The following ZBTB7C variants were observed in gnomAD, a reference collection of about 807,000 sequenced individuals.
ZBTB7C encodes zinc finger and BTB domain-containing protein 7C.
In ZBTB7C, 8 loss-of-function variants were observed where a neutral mutation model predicts 25.7. The ratio of observed to expected loss-of-function variants is 0.31; its 90% CI spans 0.18 to 0.56. ZBTB7C has a LOEUF of 0.56. Among genes scored for constraint, ZBTB7C ranks in the 20% least tolerant of loss-of-function variants. The pLI, the probability that ZBTB7C is intolerant of heterozygous loss-of-function variation, is 0.91. For missense variants in ZBTB7C, 824 were observed against 855.2 expected (o/e 0.96, Z 0.46); for synonymous variants, 394 against 369.0 (o/e 1.07, Z -0.78).
chr18:48,295,985 T>C (rs1322708103), intron 2 of ZBTB7C, among the ~76,000 whole-genome samples: 1 of 152,194 alleles, frequency 6.6e-6, no homozygotes, highest in Non-Finnish European at 1.5e-5. Flanking sequence ...GGCTCGGTCA[T>C]CTCCATAGCA....
At chr18:48,077,487 A>T (rs976342687) in intron 3 of ZBTB7C, among the ~76,000 whole-genome samples, 1 of 152,222 alleles carries the variant, frequency 6.6e-6, no homozygotes, top group African/African-American at 2.4e-5. Context: ...CGTGTGGGGC[A>T]CACCCTATCC....
At chr18:48,034,182 C>CAATGGCCTGTGTGCTCACTT (rs2035873752) in intron 4 of ZBTB7C, among the ~76,000 whole-genome samples, 1 of 152,118 alleles carries the variant, frequency 6.6e-6, no homozygotes. Context: ...CCCCCTTGTC[C>CAATGGCCTGTGTGCTCACTT]AATGGCCTGT....
chr18:48,130,652 A>G (rs1390238599), intron 3 of ZBTB7C, among the ~76,000 whole-genome samples: 1 of 151,208 alleles, frequency 6.6e-6, no homozygotes, highest in African/African-American at 2.4e-5. Context: ...GCCCCCTTTT[A>G]TAAATAAAAT....
At chr18:48,187,925 G>A (rs913478231) in intron 2 of ZBTB7C, among the ~76,000 whole-genome samples, 4 of 151,896 alleles carry the variant, frequency 2.6e-5, no homozygotes, top group South Asian at 2.1e-4. Flanking sequence ...ACAGAGCTTC[G>A]TTTGAAAAGA....
At chr18:48,184,110 C>A (rs1000317777) in intron 3 of ZBTB7C, among the ~76,000 whole-genome samples, 1 of 152,144 alleles carries the variant, frequency 6.6e-6, no homozygotes, top group African/African-American at 2.4e-5. Flanking sequence ...CACACGTGAG[C>A]CTTCCTCCTT....
chr18:48,251,418 G>A (rs1417789694), intron 2 of ZBTB7C, among the ~76,000 whole-genome samples: 3 of 152,190 alleles, frequency 2.0e-5, no homozygotes, highest in Admixed American at 1.3e-4. Context: ...TAGGCAGATA[G>A]TGAGGGTAAA....
chr18:48,188,689 C>T (rs561739429), intron 2 of ZBTB7C, among the ~76,000 whole-genome samples: 1 of 152,304 alleles, frequency 6.6e-6, no homozygotes, highest in East Asian at 1.9e-4. Flanking sequence ...ACACCATCAC[C>T]TTCCAGAACT....
intron 1 of ZBTB7C, among the ~76,000 whole-genome samples, chr18:48,373,546 C>A (rs933663522): frequency 6.6e-6 from 1 of 152,164 alleles, no homozygotes. Context: ...AATCCCCATG[C>A]TGGAGGTTGA....
chr18:48,180,112 T>TTCC lies in ZBTB7C; in HGVS notation c.-17+5821_-17+5822insGGA, dbSNP rs144550931. ...CCCCTTCCTTCCTTTCCTTCCTTCC[T>TTCC]TTCCTTCCTTCCTTCCTTCCTTCCT... On this transcript the variant is annotated intron_variant, in intron 3 of 4. Coordinates refer to ENST00000590800, the MANE Select transcript of ZBTB7C (RefSeq NM_001318841.2). 5.7e-3 allele frequency among the ~76,000 whole-genome samples: 298 copies of TTCC among 52,114 alleles called. 8 individuals carry two copies. The highest frequency in any genetic ancestry group is 0.025 in the African/African-American group (280 of 11,336). The allele number at this position is 52,114 out of a possible 152,430, so 34.2% of individuals were successfully genotyped here.
intron 2 of ZBTB7C, among the ~76,000 whole-genome samples, chr18:48,308,710 G>T (rs150734217): frequency 6.6e-6 from 1 of 152,318 alleles, no homozygotes; most frequent in East Asian, 1.9e-4. Flanking sequence ...AGTACCAGTG[G>T]ACCATACCTT....
At chr18:48,036,863 C>T (rs1040956320) in intron 4 of ZBTB7C, among the ~76,000 whole-genome samples, 4 of 152,150 alleles carry the variant, frequency 2.6e-5, no homozygotes, top group African/African-American at 4.8e-5. Flanking sequence ...GAGCCTTGGC[C>T]ACAGGGAGAA....
intron 3 of ZBTB7C, among the ~76,000 whole-genome samples, chr18:48,090,498 G>A (rs545640507): frequency 5.4e-4 from 83 of 152,326 alleles, no homozygotes; most frequent in African/African-American, 1.9e-3. Context: ...CAAGTCCTCC[G>A]TCAGCTACTT....
At chr18:48,410,520 G>A (rs2048373305), upstream of ZBTB7C, among the ~76,000 whole-genome samples, 1 of 152,226 alleles carries the variant, frequency 6.6e-6, no homozygotes, top group African/African-American at 2.4e-5. Flanking sequence ...GGGACGCCGA[G>A]TGCTCAGCGG....
chr18:48,098,322 A>C (rs2038712767), intron 3 of ZBTB7C, among the ~76,000 whole-genome samples: 1 of 152,160 alleles, frequency 6.6e-6, no homozygotes, highest in Non-Finnish European at 1.5e-5. Flanking sequence ...GTGTCTTCCT[A>C]ATCACATTTT....
intron 2 of ZBTB7C, among the ~76,000 whole-genome samples, chr18:48,293,966 T>C (rs968253149): frequency 6.6e-6 from 1 of 152,186 alleles, no homozygotes; most frequent in African/African-American, 2.4e-5. Flanking sequence ...ATGAACAAGC[T>C]GGAGATCAGG....
intron 2 of ZBTB7C, among the ~76,000 whole-genome samples, chr18:48,245,079 A>ATTCCATGGTGT (rs2043636469): frequency 1.5e-5 from 1 of 66,292 alleles, no homozygotes; most frequent in Admixed American, 1.6e-4. Flanking sequence ...AAAAAAAAGT[A>ATTCCATGGTGT]GTGTGTGTGT....
chr18:48,266,321 G>T (rs1380287109), intron 2 of ZBTB7C, among the ~76,000 whole-genome samples: 1 of 152,122 alleles, frequency 6.6e-6, no homozygotes, highest in Non-Finnish European at 1.5e-5. Context: ...ACTATTGCAA[G>T]GGTCTTGGTT....
At chr18:48,317,933 G>T (rs184041167) in intron 2 of ZBTB7C, among the ~76,000 whole-genome samples, 1 of 146,348 alleles carries the variant, frequency 6.8e-6, no homozygotes, top group African/African-American at 2.5e-5. Flanking sequence ...CAGCTCGCCC[G>T]ACATTCAGCA....
In ZBTB7C at chr18:48,302,316, C is replaced by T. The variant is rs149306055; in HGVS notation, c.-79+35858G>A. ...TAAACTGAAGAGCTGACGGCTCCTG[C>T]TCCTTGACTTCCCTTGGCCATTTCC... On this transcript the variant is annotated intron_variant, in intron 2 of 4. Coordinates refer to ENST00000590800, the MANE Select transcript of ZBTB7C (RefSeq NM_001318841.2). Among the ~76,000 whole-genome samples the T allele has an allele frequency of 8.5e-3, 1,296 of 152,300 alleles. 18 individuals are homozygous for T. Among genetic ancestry groups the T allele is most frequent in the African/African-American group, 0.03 (1,246 of 41,554 alleles).
Sources: gnomAD v4.1 joint callset for allele counts (sites outside exome capture counted in the v4.1 genomes callset) on GRCh38, gnomAD v4.1.1 for gene constraint, MANE v1.5 for transcripts, NCBI Gene and HGNC (gene_info 2026-07-23, HGNC 2026-07-21) for gene names.